The following PADI1 variants were observed in gnomAD, a reference collection of about 807,000 sequenced individuals.
PADI1 encodes protein-arginine deiminase type-1.
PADI1 carries 65 observed loss-of-function variants against 74.8 expected under a neutral mutation model. The observed-to-expected ratio is 0.87, with a 90% confidence interval of 0.71 to 1.07. The LOEUF is 1.07. Among genes scored for constraint, PADI1 ranks in the 50% least tolerant of loss-of-function variants. The pLI, the probability that PADI1 is intolerant of heterozygous loss-of-function variation, is 0.00. For synonymous variants in PADI1, 371 were observed against 336.2 expected (o/e 1.10, Z -1.13); for missense variants, 943 against 854.0 (o/e 1.10, Z -1.30).
rs1043062993 is a variant in PADI1 at position 17,217,008 on chromosome 1, G to A, written c.93-5282G>A. ...GGGAGTGGGTGTAGACAGAAGAAAG[G>A]AGGAGAGGAGAGGGGAGGGAGGGGA... On this transcript the variant is annotated intron_variant, in intron 1 of 15. Coordinates refer to ENST00000375471, the MANE Select transcript of PADI1 (RefSeq NM_013358.3). Among the ~76,000 whole-genome samples the A allele has an allele frequency of 3.4e-5, 5 of 148,320 alleles. No homozygotes were observed. The South Asian group carries it at 1.1e-3, about 32-fold the overall frequency.
rs1557468549 is a variant in PADI1, at chr1:17,227,570, TA to T, written c.653-1052del. Among the ~76,000 whole-genome samples, 355 of 147,280 alleles carry T rather than the reference TA, an allele frequency of 2.4e-3. 2 individuals carry two copies. Among genetic ancestry groups the T allele is most frequent in the African/African-American group, 7.5e-3 (308 of 40,918 alleles). On this transcript the variant is annotated intron_variant, in intron 6 of 15. Coordinates refer to ENST00000375471, the MANE Select transcript of PADI1 (RefSeq NM_013358.3). The stretch of plus-strand genomic sequence containing the variant: ...ATAAATAAATAAATAAATAAATAAA[TA>T]AATAAATAAATTACCACTCCTTAAC...
chr1:17,224,509 C>T (rs2072255594), intron 4 of PADI1, 81 bp downstream of exon 4: 1 of 1,047,790 alleles, frequency 9.5e-7, no homozygotes, highest in Admixed American at 2.0e-5. Context: ...TGCCCTCCCT[C>T]CAGAAGAATG....
intron 1 of PADI1, among the ~76,000 whole-genome samples, chr1:17,214,072 G>C (rs150854875): frequency 6.6e-5 from 10 of 152,318 alleles, no homozygotes; most frequent in Non-Finnish European, 1.3e-4. Context: ...AAGGTTTCTG[G>C]CTGGAGTGAG....
chr1:17,229,096 A>G (rs984235683), intron 8 of PADI1, 45 bp downstream of exon 8: 5 of 1,227,982 alleles, frequency 4.1e-6, no homozygotes, highest in African/African-American at 1.5e-5. Flanking sequence ...TGGAGTGCAG[A>G]GGTAGGGACA....
chr1:17,232,725 C>A, intron 10 of PADI1, 94 bp from the exon 11 acceptor site: 2 of 1,099,390 alleles, frequency 1.8e-6, no homozygotes, highest in Non-Finnish European at 2.5e-6. Context: ...GAGTGGGAGA[C>A]CCCCAGCAAC....
chr1:17,221,469 AAG>A (rs66736252), intron 1 of PADI1, among the ~76,000 whole-genome samples: 10,278 of 141,926 alleles, frequency 0.072, 726 homozygotes, highest in Admixed American at 0.21. Flanking sequence ...ACTCTGTCTC[AAG>A]AAAAAAAAAA....
intron 15 of PADI1, among the ~76,000 whole-genome samples, chr1:17,242,675 C>T (rs550916141): frequency 6.6e-6 from 1 of 152,306 alleles, no homozygotes; most frequent in South Asian, 2.1e-4. Context: ...ACCCAGTTAA[C>T]CCCTTGGTTT....
rs2072299740 is a variant in PADI1 at position 17,226,038 on chromosome 1, C to T, written c.532C>T (p.Gln178Ter). 1 of 1,614,180 alleles carries T rather than the reference C, an allele frequency of 6.2e-7. No homozygotes were observed. The highest frequency in any genetic ancestry group is 8.5e-7 in the Non-Finnish European group (1 of 1,180,040). Residue 178 changes from glutamine to a stop codon, truncating the protein, a stop_gained, in exon 6 of 16, where the codon CAG becomes TAG. Transcript: ENST00000375471. LOFTEE classifies it high-confidence loss of function. ...AAGAGGGCCACTCTCTCCAGACCTG[C>T]AGGACATGTCCCCAATGCTGCTGAG... ...HSWLMSLADL[Q>*]DMSPMLLSCN...
chr1:17,222,499 G>T, intron 2 of PADI1, 29 bp downstream of exon 2: 2 of 1,567,542 alleles, frequency 1.3e-6, no homozygotes, highest in Non-Finnish European at 1.8e-6. Flanking sequence ...ATAGAAAAGG[G>T]TTGGATCTCT....
intron 2 of PADI1, 105 bp from the exon 3 acceptor site, chr1:17,223,516 C>A: frequency 1.1e-6 from 1 of 893,238 alleles, no homozygotes; most frequent in South Asian, 1.4e-5. Flanking sequence ...GGTCTCCAGG[C>A]CTCCTGTGCC....
At chr1:17,222,567 C>T (rs1253607050) in intron 2 of PADI1, 97 bp downstream of exon 2, 10 of 912,040 alleles carry the variant, frequency 1.1e-5, no homozygotes, top group Non-Finnish European at 1.8e-5. Flanking sequence ...AAGCTCCCCA[C>T]TTAACCAAAC....
At position 17,230,125 on chromosome 1, in the gene PADI1, G is replaced by C; in HGVS notation, c.970G>C (p.Asp324His). 6.2e-7 allele frequency: 1 copy of C among 1,614,004 alleles called. No homozygotes were observed. The highest frequency in any genetic ancestry group is 8.5e-7 in the Non-Finnish European group (1 of 1,179,864). ...THGSNEKFLE[D>H]MSYLTLKANC... ...TGGCTCCAATGAGAAATTCCTGGAG[G>C]ACATGTCTTATCTGACATTGAAAGC... Residue 324 changes from aspartate (D) to histidine (H), a missense_variant, in exon 9 of 16, where the codon GAC (aspartate) becomes CAC (histidine). Asp to His is a moderately conservative substitution (Grantham distance 81, BLOSUM62 -1). Transcript: ENST00000375471.
rs558144177 is a variant in PADI1, at chr1:17,244,887, C to T, written c.*644C>T. On this transcript the variant is annotated 3_prime_UTR_variant, in exon 16 of 16. Coordinates refer to ENST00000375471, the MANE Select transcript of PADI1 (RefSeq NM_013358.3). ...ACAACAAAATTTTAATAGCTGACTC[C>T]GACCTCAGAAGAGTGATTGCTACCT... The T allele has an allele frequency of 3.8e-4, 68 of 178,384 alleles. No individual in the cohort carries two copies. The highest frequency in any genetic ancestry group is 1.2e-3 in the African/African-American group (50 of 41,920). The allele number at this position is 178,384 out of a possible 1,614,324, so 11.1% of individuals were successfully genotyped here.
chr1:17,205,271 G>A lies in PADI1; in HGVS notation c.54G>A (p.Val18=), dbSNP rs768367698. Residue 18 remains valine (V), a synonymous_variant, in exon 1 of 16, where the codon GTG becomes GTA. Transcript: ENST00000375471. ...QLSLKMPTHA[V]CVVGVEAHVD... ...CCCTGAAGATGCCTACCCATGCCGTGTGTGTGGTGGGAGTCGAGGCACATG... is the reference window on the plus strand; with the variant it reads ...CCCTGAAGATGCCTACCCATGCCGTATGTGTGGTGGGAGTCGAGGCACATG... The A allele has an allele frequency of 1.5e-5, 25 of 1,613,990 alleles. No homozygotes were observed. The African/African-American group carries it at 2.9e-4, about 19-fold the overall frequency.
chr1:17,245,602 AC>A lies in PADI1; in HGVS notation c.*1361del, dbSNP rs997505484. On this transcript the variant is annotated 3_prime_UTR_variant, in exon 16 of 16. Transcript: ENST00000375471. The surrounding 1 kb of genome is among the most constrained non-coding windows in gnomAD (Gnocchi z 4.1). ...TGAGCCAACTACTGTCACTGTTTTA[AC>A]CAACAAAAGCTAGCCTGGAACTGCT... The A allele has an allele frequency of 9.2e-5, 14 of 152,268 alleles. No homozygotes were observed. The highest frequency in any genetic ancestry group is 8.5e-4 in the Admixed American group (13 of 15,298). The allele number at this position is 152,268 out of a possible 1,614,324, so 9.4% of individuals were successfully genotyped here. A position where few individuals can be genotyped will look rare whatever the true frequency, so the allele number is the denominator to read the frequency against.
chr1:17,231,573 G>A (rs189687258), intron 10 of PADI1, among the ~76,000 whole-genome samples: 19 of 152,268 alleles, frequency 1.2e-4, no homozygotes, highest in African/African-American at 3.8e-4. Flanking sequence ...GAGTGCACCC[G>A]CCAGGGCCAG....
In PADI1 at chr1:17,224,445, C is replaced by T; in HGVS notation, c.408+17C>T. On this transcript the variant is annotated intron_variant, in intron 4 of 15. Coordinates refer to ENST00000375471, the MANE Select transcript of PADI1 (RefSeq NM_013358.3). ...GGGGACAAGGTGAGACCCTTCCGGG[C>T]ACCCCAAGGCTGCGGGGTTGAAAGG... 2 of 1,607,086 alleles carry T rather than the reference C, an allele frequency of 1.2e-6. No individual in the cohort carries two copies. The highest frequency in any genetic ancestry group is 1.7e-6 in the Non-Finnish European group (2 of 1,175,148).
rs772195621 is a variant in PADI1 at position 17,230,151 on chromosome 1, C to G, written c.996C>G (p.Ala332=). 3.1e-6 allele frequency: 5 copies of G among 1,614,018 alleles called. No homozygotes were observed. The highest frequency in any genetic ancestry group is 4.2e-6 in the Non-Finnish European group (5 of 1,179,998). ...LEDMSYLTLK[A]NCKLTICPQV... Reference sequence around the variant, plus strand: ...ACATGTCTTATCTGACATTGAAAGCCAACTGCAAGCTGACCATCTGCCCTC... The same window carrying G: ...ACATGTCTTATCTGACATTGAAAGCGAACTGCAAGCTGACCATCTGCCCTC... Residue 332 remains alanine (A), a synonymous_variant, in exon 9 of 16, where the codon GCC becomes GCG. Coordinates refer to ENST00000375471, the MANE Select transcript of PADI1 (RefSeq NM_013358.3).
intron 11 of PADI1, among the ~76,000 whole-genome samples, chr1:17,236,409 G>A (rs756263248): frequency 1.3e-5 from 2 of 152,196 alleles, no homozygotes; most frequent in Non-Finnish European, 2.9e-5. Flanking sequence ...GTCAATAAAT[G>A]TTTGTCTCAG....
Sources: gnomAD v4.1 joint callset for allele counts (sites outside exome capture counted in the v4.1 genomes callset) on GRCh38, gnomAD v4.1.1 for gene constraint, Gnocchi (gnomAD v3.1) non-coding constraint, MANE v1.5 for transcripts, NCBI Gene and HGNC (gene_info 2026-07-23, HGNC 2026-07-21) for gene names.